Variants in TSPAN18 observed in about 807,000 individuals in gnomAD.
The protein encoded by TSPAN18 is tetraspanin 18.
In TSPAN18, 14 loss-of-function variants were observed where a neutral mutation model predicts 27.3. That is an observed-to-expected ratio of 0.51 (90% confidence interval 0.34 to 0.80). The LOEUF (loss-of-function observed/expected upper bound fraction) is 0.80. Ranked by LOEUF, TSPAN18 falls within the 30% of genes least tolerant of loss-of-function variation. The pLI, the probability that TSPAN18 is intolerant of heterozygous loss-of-function variation, is 0.01. For synonymous variants in TSPAN18, 143 were observed against 136.5 expected (o/e 1.05, Z -0.33); for missense variants, 268 against 323.9 (o/e 0.83, Z 1.32).
intron 1 of TSPAN18, among the ~76,000 whole-genome samples, chr11:44,744,141 G>T (rs1278693208): frequency 6.6e-6 from 1 of 152,158 alleles, no homozygotes; most frequent in East Asian, 1.9e-4. Context: ...GAGGCCTCCT[G>T]GGCTGCTGCT....
intron 2 of TSPAN18, among the ~76,000 whole-genome samples, chr11:44,773,985 C>T (rs557343511): frequency 4.1e-4 from 62 of 152,292 alleles, no homozygotes; most frequent in South Asian, 1.2e-3. Flanking sequence ...GCTCCTCAGT[C>T]GGACTCCCAC....
At chr11:44,765,509 C>A (rs1855548446) in intron 2 of TSPAN18, among the ~76,000 whole-genome samples, 2 of 152,324 alleles carry the variant, frequency 1.3e-5, no homozygotes, top group Non-Finnish European at 2.9e-5. Context: ...GCGCCAGGCA[C>A]AGTGTGACGC....
intron 3 of TSPAN18, among the ~76,000 whole-genome samples, chr11:44,905,953 C>A (rs1047957262): frequency 6.6e-6 from 1 of 152,204 alleles, no homozygotes; most frequent in African/African-American, 2.4e-5. Context: ...GGAAGTTTGT[C>A]AGGCCTGGCT....
At chr11:44,813,965 A>T (rs538053416) in intron 2 of TSPAN18, among the ~76,000 whole-genome samples, 4 of 152,232 alleles carry the variant, frequency 2.6e-5, no homozygotes, top group Non-Finnish European at 4.4e-5. Flanking sequence ...GGCCTTGGAG[A>T]TAGATCCTTC....
chr11:44,815,959 A>G (rs1225844936), intron 2 of TSPAN18, among the ~76,000 whole-genome samples: 2 of 152,212 alleles, frequency 1.3e-5, no homozygotes, highest in African/African-American at 4.8e-5. Flanking sequence ...CAATATATCC[A>G]GAAAACAAAA....
intron 2 of TSPAN18, among the ~76,000 whole-genome samples, chr11:44,791,831 C>T (rs1856231790): frequency 6.6e-6 from 1 of 152,200 alleles, no homozygotes. Context: ...TATGTGACCT[C>T]GACAAGCCAT....
chr11:44,733,341 T>G (rs1462465109), intron 1 of TSPAN18, among the ~76,000 whole-genome samples: 3 of 152,242 alleles, frequency 2.0e-5, no homozygotes, highest in African/African-American at 4.8e-5. Flanking sequence ...TCTTTGTAGA[T>G]TACAGACTGT....
chr11:44,805,497 A>G (rs835819), intron 2 of TSPAN18, among the ~76,000 whole-genome samples: 12,150 of 152,184 alleles, frequency 0.08, 1,238 homozygotes, highest in East Asian at 0.47. Flanking sequence ...GTTCCTCTCA[A>G]GATGAGATTG....
chr11:44,793,953 T>C (rs1482851110), intron 2 of TSPAN18, among the ~76,000 whole-genome samples: 2 of 152,108 alleles, frequency 1.3e-5, no homozygotes, highest in African/African-American at 4.8e-5. Flanking sequence ...GCCGCCTGTA[T>C]TTTTTTCTGA....
chr11:44,728,109 C>G (rs1854562535), intron 1 of TSPAN18, among the ~76,000 whole-genome samples: 1 of 152,206 alleles, frequency 6.6e-6, no homozygotes, highest in African/African-American at 2.4e-5. Flanking sequence ...CCACAGACAC[C>G]CAACTTACGC....
chr11:44,789,976 A>T (rs911013965), intron 2 of TSPAN18, among the ~76,000 whole-genome samples: 1 of 152,162 alleles, frequency 6.6e-6, no homozygotes, highest in African/African-American at 2.4e-5. Flanking sequence ...ATGAAGGATG[A>T]TCTGGTGAGT....
chr11:44,871,823 G>C (rs1858204043), intron 3 of TSPAN18, among the ~76,000 whole-genome samples: 1 of 152,128 alleles, frequency 6.6e-6, no homozygotes, highest in Non-Finnish European at 1.5e-5. Flanking sequence ...CCTTGGACTT[G>C]GAGGCAGGTT....
intron 2 of TSPAN18, among the ~76,000 whole-genome samples, chr11:44,786,137 G>A (rs1005916826): frequency 6.6e-6 from 1 of 152,272 alleles, no homozygotes; most frequent in South Asian, 2.1e-4. Flanking sequence ...GTGTTTGGCA[G>A]TCTGAGATTT....
At chr11:44,846,459 A>C (rs1244555937) in intron 2 of TSPAN18, among the ~76,000 whole-genome samples, 1 of 152,208 alleles carries the variant, frequency 6.6e-6, no homozygotes, top group Non-Finnish European at 1.5e-5. Context: ...AGAGCTTCTG[A>C]TTCCCCTGAC....
chr11:44,919,175 A>G (rs1860030295), intron 6 of TSPAN18, 39 bp from the exon 7 acceptor site: 1 of 1,555,878 alleles, frequency 6.4e-7, no homozygotes, highest in Non-Finnish European at 8.9e-7. Flanking sequence ...GCTGCACCCA[A>G]CTGCCAGGCC....
intron 2 of TSPAN18, among the ~76,000 whole-genome samples, chr11:44,825,821 T>C (rs749776857): frequency 3.3e-5 from 5 of 151,860 alleles, no homozygotes; most frequent in African/African-American, 4.9e-5. Flanking sequence ...TGGGCTTGTT[T>C]CTCCATGAGT....
At chr11:44,873,772 A>G (rs835757) in intron 3 of TSPAN18, among the ~76,000 whole-genome samples, 143,408 of 152,288 alleles carry the variant, frequency 0.94, 68,154 homozygotes, top group East Asian at 1. Context: ...TGTGCCTGTT[A>G]CCTGGATACA....
chr11:44,747,326 C>T (rs1363706303), intron 1 of TSPAN18, among the ~76,000 whole-genome samples: 1 of 152,206 alleles, frequency 6.6e-6, no homozygotes, highest in Non-Finnish European at 1.5e-5. Flanking sequence ...GCTGCCTTCT[C>T]GACTTTTTAT....
intron 2 of TSPAN18, among the ~76,000 whole-genome samples, chr11:44,781,164 T>G (rs1855930353): frequency 6.6e-6 from 1 of 152,072 alleles, no homozygotes. Flanking sequence ...TCTCTCCCCA[T>G]GTGTAGAGTA....
Sources: allele counts gnomAD v4.1 joint callset (sites outside exome capture counted in the v4.1 genomes callset), GRCh38; gene constraint gnomAD v4.1.1; transcripts MANE v1.5; gene names NCBI Gene and HGNC (gene_info 2026-07-23, HGNC 2026-07-21).